The following PTBP3 variants were observed in gnomAD, a reference collection of about 807,000 sequenced individuals.
The protein encoded by PTBP3 is polypyrimidine tract binding protein 3.
A neutral mutation model predicts 58.7 loss-of-function variants in PTBP3; 20 were observed. The ratio of observed to expected loss-of-function variants is 0.34; its 90% confidence interval spans 0.24 to 0.50. The LOEUF is 0.50. Among genes scored for constraint, PTBP3 ranks in the 20% least tolerant of loss-of-function variants. The pLI is 0.98. For synonymous variants in PTBP3, 185 were observed against 219.8 expected, an observed-to-expected ratio of 0.84 and a Z score of 1.40; for missense variants, 509 against 637.2, an observed-to-expected ratio of 0.80 and a Z score of 2.17.
At chr9:112,278,454 G>A (rs2132218649) in intron 2 of PTBP3, among the ~76,000 whole-genome samples, 1 of 152,240 alleles carries the variant, frequency 6.6e-6, no homozygotes, top group South Asian at 2.1e-4. Context: ...ACTTTCTAAA[G>A]GCATGAAGCT....
intron 1 of PTBP3, among the ~76,000 whole-genome samples, chr9:112,308,296 G>C (rs1471701508): frequency 6.8e-6 from 1 of 147,780 alleles, no homozygotes; most frequent in Non-Finnish European, 1.5e-5. Flanking sequence ...CAAAGTGTTG[G>C]AATTACAGGC....
the PTBP3 span, among the ~76,000 whole-genome samples, chr9:112,350,245 G>A: frequency 6.6e-6 from 1 of 151,850 alleles, no homozygotes; most frequent in African/African-American, 2.4e-5. Flanking sequence ...TGGGGGTGAG[G>A]GATAAAAGAC....
At chr9:112,277,054 A>G (rs181911329) in intron 2 of PTBP3, among the ~76,000 whole-genome samples, 18 of 152,312 alleles carry the variant, frequency 1.2e-4, no homozygotes, top group Admixed American at 7.2e-4. Context: ...CTGTAACCCT[A>G]AACAAATTTC....
chr9:112,328,978 T>C (rs1830263419), intron 1 of PTBP3, among the ~76,000 whole-genome samples: 1 of 152,214 alleles, frequency 6.6e-6, no homozygotes, highest in East Asian at 1.9e-4. Context: ...TCTACAATAA[T>C]TTGAACTGTA....
intron 4 of PTBP3, among the ~76,000 whole-genome samples, chr9:112,264,751 G>A (rs1836730502): frequency 6.6e-6 from 1 of 152,170 alleles, no homozygotes; most frequent in Non-Finnish European, 1.5e-5. Context: ...AAAAGTATTG[G>A]GAAGAAATGA....
At chr9:112,365,195 T>C in the PTBP3 span, among the ~76,000 whole-genome samples, 1,380 of 152,328 alleles carry the variant, frequency 9.1e-3, 29 homozygotes, top group African/African-American at 0.032. Flanking sequence ...TATGTATCTA[T>C]CTATACATAT....
intron 1 of PTBP3, chr9:112,333,114 A>G (rs1277388577): frequency 1.6e-6 from 2 of 1,257,396 alleles, no homozygotes; most frequent in African/African-American, 3.2e-5. Context: ...ATTTTCTGAG[A>G]GGAAGTGTCG....
At chr9:112,330,511 A>T (rs778505602) in intron 1 of PTBP3, 28 of 1,410,274 alleles carry the variant, frequency 2.0e-5, no homozygotes, top group Non-Finnish European at 2.6e-5. Context: ...ATGGAAAACA[A>T]AGTTAGAGAA....
intron 9 of PTBP3, 145 bp downstream of exon 9, chr9:112,231,954 G>A (rs1564391184): frequency 1.9e-4 from 71 of 379,146 alleles, no homozygotes; most frequent in East Asian, 1.1e-3. Context: ...GAAGAGAAGA[G>A]AAGAGAAGAG....
chr9:112,257,531 C>G (rs550550278), intron 5 of PTBP3, among the ~76,000 whole-genome samples: 2 of 152,226 alleles, frequency 1.3e-5, no homozygotes, highest in South Asian at 4.1e-4. Context: ...GACTGTAACA[C>G]AGGACTAAGA....
chr9:112,286,680 T>C (rs1344024974), intron 2 of PTBP3, among the ~76,000 whole-genome samples: 1 of 152,218 alleles, frequency 6.6e-6, no homozygotes, highest in East Asian at 1.9e-4. Context: ...AATAATCCTT[T>C]AAATTAACAA....
chr9:112,363,414 G>T, the PTBP3 span, among the ~76,000 whole-genome samples: 1 of 151,836 alleles, frequency 6.6e-6, no homozygotes, highest in South Asian at 2.1e-4. Context: ...AGTTACTCGG[G>T]AGGCTGAAGT....
At chr9:112,369,336 T>TG in the PTBP3 span, among the ~76,000 whole-genome samples, 1 of 152,176 alleles carries the variant, frequency 6.6e-6, no homozygotes, top group African/African-American at 2.4e-5. Flanking sequence ...TGAAAGCAGC[T>TG]GGGAGGGCGT....
the PTBP3 span, among the ~76,000 whole-genome samples, chr9:112,344,915 C>T: frequency 6.6e-6 from 1 of 152,006 alleles, no homozygotes; most frequent in African/African-American, 2.4e-5. Flanking sequence ...GGTGGATCAC[C>T]TGAGGTCGGG....
At chr9:112,356,480 G>A in the PTBP3 span, among the ~76,000 whole-genome samples, 7 of 151,978 alleles carry the variant, frequency 4.6e-5, no homozygotes, top group South Asian at 1.0e-3. Flanking sequence ...GTGTGACATA[G>A]CAGTTGTCAT....
the PTBP3 span, among the ~76,000 whole-genome samples, chr9:112,379,660 G>A: frequency 6.6e-6 from 1 of 152,190 alleles, no homozygotes; most frequent in African/African-American, 2.4e-5. Flanking sequence ...AGAGGGGGCC[G>A]AGAGAACGCC....
chr9:112,324,661 TAAA>T (rs367609731), intron 1 of PTBP3, among the ~76,000 whole-genome samples: 1 of 129,458 alleles, frequency 7.7e-6, no homozygotes, highest in Non-Finnish European at 1.7e-5. Context: ...TTTTTTTTTT[TAAA>T]AAAAAACAAC....
the PTBP3 span, among the ~76,000 whole-genome samples, chr9:112,343,769 C>G: frequency 2.1e-5 from 3 of 143,432 alleles, no homozygotes; most frequent in Non-Finnish European, 4.5e-5. Context: ...CCAGCCTGGG[C>G]AACAGAGCAA....
the PTBP3 span, among the ~76,000 whole-genome samples, chr9:112,359,558 C>T: frequency 6.6e-6 from 1 of 152,256 alleles, no homozygotes; most frequent in Admixed American, 6.5e-5. Flanking sequence ...AATCCCAGCA[C>T]TTTGGGAGGC....
Sources: allele counts gnomAD v4.1 joint callset (sites outside exome capture counted in the v4.1 genomes callset), GRCh38; gene constraint gnomAD v4.1.1; transcripts MANE v1.5; gene names NCBI Gene and HGNC (gene_info 2026-07-23, HGNC 2026-07-21).